Variants in TCP11L2 observed in about 807,000 individuals in gnomAD.
TCP11L2 encodes t-complex 11 like 2.
TCP11L2 carries 39 observed loss-of-function variants against 50.7 expected under a neutral mutation model. That is an observed-to-expected ratio of 0.77 (90% CI 0.60 to 1.01). The LOEUF (loss-of-function observed/expected upper bound fraction) is 1.01. TCP11L2 is among the 50% of genes least tolerant of loss of function. The pLI, the probability that TCP11L2 is intolerant of heterozygous loss-of-function variation, is 0.00. For synonymous variants in TCP11L2, 192 were observed against 219.3 expected, an observed-to-expected ratio of 0.88 and a Z score of 1.10; for missense variants, 612 against 614.7, an observed-to-expected ratio of 1.00 and a Z score of 0.05.
intron 4 of TCP11L2, 106 bp from the exon 5 acceptor site, chr12:106,321,380 G>A: frequency 3.3e-6 from 3 of 920,240 alleles, no homozygotes; most frequent in Non-Finnish European, 3.3e-6. Context: ...TGGCATCTGA[G>A]GCACTAAAAT....
At chr12:106,318,511 G>A (rs766724238) in intron 4 of TCP11L2, 47 bp downstream of exon 4, 2 of 1,606,500 alleles carry the variant, frequency 1.2e-6, no homozygotes, top group South Asian at 2.2e-5. Flanking sequence ...ACTCCAGGTG[G>A]GCTGCTATAA....
chr12:106,313,490 G>C (rs529695206), intron 2 of TCP11L2, among the ~76,000 whole-genome samples: 5 of 152,026 alleles, frequency 3.3e-5, no homozygotes, highest in African/African-American at 1.2e-4. Flanking sequence ...TGAGGCAGGA[G>C]AATCTCTTGA....
intron 6 of TCP11L2, among the ~76,000 whole-genome samples, chr12:106,331,951 G>C (rs1018447501): frequency 6.6e-6 from 1 of 152,210 alleles, no homozygotes; most frequent in Non-Finnish European, 1.5e-5. Context: ...GCAGTCTGTT[G>C]CTGATCAGTC....
At chr12:106,314,535 CTGTGTGTGTGTGTGTGTGTGTG>C (rs55918458) in intron 3 of TCP11L2, 42 bp downstream of exon 3, 1 of 706,006 alleles carries the variant, frequency 1.4e-6, no homozygotes. Context: ...GCTGAAGATT[CTGTGTGTGTGTGTGTGTGTGTG>C]TGTGTGTGTG....
rs895733928 is a variant in TCP11L2, at chr12:106,314,586, A to T, written c.293+93A>T. 897 of 687,464 alleles carry T rather than the reference A, an allele frequency of 1.3e-3. No homozygotes were observed. Among genetic ancestry groups the T allele is most frequent in the African/African-American group, 2.1e-3 (113 of 52,852 alleles). 42.6% of individuals were successfully genotyped at this position (687,464 alleles called of 1,614,324 possible). A position where few individuals can be genotyped will look rare whatever the true frequency, so the allele number is the denominator to read the frequency against. ...GTGTGTGTGTGTGTGTGAGAGAGAG[A>T]GAGAGAGAGAGAGAGACAGAGAGAG... On this transcript the variant is annotated intron_variant, in intron 3 of 9. Coordinates refer to ENST00000299045, the MANE Select transcript of TCP11L2 (RefSeq NM_152772.3).
At chr12:106,318,741 C>T (rs574285297) in intron 4 of TCP11L2, among the ~76,000 whole-genome samples, 2 of 152,250 alleles carry the variant, frequency 1.3e-5, no homozygotes, top group African/African-American at 4.8e-5. Flanking sequence ...GACGGAGTCT[C>T]GCTCTGTTGC....
chr12:106,336,068 A>C lies in TCP11L2; in HGVS notation c.997A>C (p.Thr333Pro). ...MTDGARLQEL[T>P]EKLNQLKIIA... is the part of the protein sequence containing the mutation. ...AGATGGAGCACGTCTTCAGGAACTAACAGAAAAGCTGAATCAATTGAAAAT... is the reference window on the plus strand; with the variant it reads ...AGATGGAGCACGTCTTCAGGAACTACCAGAAAAGCTGAATCAATTGAAAAT... The change falls in exon 8 of 10, where the codon ACA becomes CCA. Residue 333 changes from threonine (T) to proline (P), a missense_variant. By Grantham distance (38) the Thr-to-Pro change is conservative. Coordinates refer to ENST00000299045, the MANE Select transcript of TCP11L2 (RefSeq NM_152772.3). 1 of 1,613,792 alleles carries C rather than the reference A, an allele frequency of 6.2e-7. No homozygotes were observed. Among genetic ancestry groups the C allele is most frequent in the Non-Finnish European group, 8.5e-7 (1 of 1,179,878 alleles).
rs562915487 is a variant in TCP11L2 at position 106,306,235 on chromosome 12, C to T, written c.-36+3294C>T. The stretch of plus-strand genomic sequence containing the variant: ...TCAGCCTGTCATCTTCTCTTTTAAC[C>T]TTCTATTTGGAAATACTTTCAAACT... On this transcript the variant is annotated intron_variant, in intron 1 of 9. Coordinates refer to ENST00000299045, the MANE Select transcript of TCP11L2 (RefSeq NM_152772.3). Among the ~76,000 whole-genome samples the T allele has an allele frequency of 1.8e-3, 275 of 152,276 alleles. 2 individuals carry two copies. Among genetic ancestry groups the T allele is most frequent in the Non-Finnish European group, 3.0e-3 (203 of 68,020 alleles).
rs528894876 is a variant in TCP11L2 at position 106,332,023 on chromosome 12, A to C, written c.773-3616A>C. On this transcript the variant is annotated intron_variant, in intron 6 of 9. Transcript: ENST00000299045. The stretch of plus-strand genomic sequence containing the variant: ...ATCTGTTTCAAGGAATAAATGTAAA[A>C]GACTTGCCTGCCTAATTATACTGGG... Among the ~76,000 whole-genome samples, 6 of 152,186 alleles carry C rather than the reference A, an allele frequency of 3.9e-5. No individual in the cohort carries two copies. The South Asian group carries it at 8.3e-4, about 21-fold the overall frequency.
chr12:106,318,664 T>TG (rs1387324452), intron 4 of TCP11L2, among the ~76,000 whole-genome samples, 200 bp downstream of exon 4: 1 of 152,240 alleles, frequency 6.6e-6, no homozygotes, highest in Non-Finnish European at 1.5e-5. Flanking sequence ...GGTGCCTTCT[T>TG]GCTGTGTCTT....
chr12:106,329,997 T>C (rs1420049921), intron 6 of TCP11L2: 1 of 985,144 alleles, frequency 1.0e-6, no homozygotes, highest in Admixed American at 6.1e-5. Context: ...AGAATTTCAG[T>C]CTCTCTCTAC....
chr12:106,344,148 G>A (rs1030396751), intron 9 of TCP11L2, among the ~76,000 whole-genome samples: 4 of 151,466 alleles, frequency 2.6e-5, no homozygotes, highest in Non-Finnish European at 2.9e-5. Context: ...TGGAGACCCT[G>A]TCTATATATA....
chr12:106,321,129 A>C (rs941989367), intron 4 of TCP11L2, among the ~76,000 whole-genome samples: 28 of 152,344 alleles, frequency 1.8e-4, no homozygotes, highest in African/African-American at 6.0e-4. Context: ...CTATCTTAAA[A>C]TTGGTTTCAT....
At chr12:106,330,023 A>G in intron 6 of TCP11L2, 2 of 985,464 alleles carry the variant, frequency 2.0e-6, no homozygotes, top group South Asian at 9.4e-5. Context: ...ACCTGTGTTC[A>G]GGCTGTATTT....
chr12:106,314,576 TGAGAGAGAGA>T lies in TCP11L2; in HGVS notation c.293+100_293+109del, dbSNP rs71072670. 8.9e-3 allele frequency: 2,496 copies of T among 281,690 alleles called. 21 individuals carry two copies. Among genetic ancestry groups the T allele is most frequent in the South Asian group, 0.042 (586 of 14,072 alleles). The allele number at this position is 281,690 out of a possible 1,614,324, so 17.4% of individuals were successfully genotyped here. A position where few individuals can be genotyped will look rare whatever the true frequency, so the allele number is the denominator to read the frequency against. Reference sequence around the variant, plus strand: ...GTGTGTGTGTGTGTGTGTGTGTGTGTGAGAGAGAGAGAGAGAGAGAGAGAGACAGAGAGAG... The same window carrying T: ...GTGTGTGTGTGTGTGTGTGTGTGTGTGAGAGAGAGAGAGAGACAGAGAGAG... On this transcript the variant is annotated intron_variant, in intron 3 of 9. Transcript: ENST00000299045.
chr12:106,318,607 C>A, intron 4 of TCP11L2, 143 bp downstream of exon 4: 1 of 1,012,036 alleles, frequency 9.9e-7, no homozygotes, highest in Non-Finnish European at 1.4e-6. Context: ...AATCAAAGCA[C>A]CACCAGATTC....
rs201390267 is a variant in TCP11L2 at position 106,323,743 on chromosome 12, TTAATA to T, written c.772+98_772+102del. On this transcript the variant is annotated intron_variant, in intron 6 of 9. Coordinates refer to ENST00000299045, the MANE Select transcript of TCP11L2 (RefSeq NM_152772.3). ...TTAAATTAAATTAAATTAAATTAAA[TTAATA>T]AATAAATAAAATTTAATTTAATTTA... 8.0e-3 allele frequency: 3,039 copies of T among 379,974 alleles called. 71 individuals carry two copies. The highest frequency in any genetic ancestry group is 0.025 in the East Asian group (430 of 17,220). 23.5% of individuals were successfully genotyped at this position (379,974 alleles called of 1,614,324 possible). A position where few individuals can be genotyped will look rare whatever the true frequency, so the allele number is the denominator to read the frequency against.
At chr12:106,342,194 A>G (rs2036111143) in intron 9 of TCP11L2, among the ~76,000 whole-genome samples, 1 of 152,190 alleles carries the variant, frequency 6.6e-6, no homozygotes, top group African/African-American at 2.4e-5. Flanking sequence ...TTAAGAATAC[A>G]AATACATTTT....
rs145086993 is a variant in TCP11L2 at position 106,336,084 on chromosome 12, A to C, written c.1013A>C (p.Gln338Pro). Residue 338 changes from glutamine (Q) to proline (P), a missense_variant, in exon 8 of 10, where the codon CAA (glutamine) becomes CCA (proline). Physicochemically the swap from Gln to Pro is moderately conservative, Grantham distance 76 (BLOSUM62 -1). Transcript: ENST00000299045. ...RLQELTEKLN[Q>P]LKIIACLSLI... ...CAGGAACTAACAGAAAAGCTGAATC[A>C]ATTGAAAATTATTGCCTGCCTGTCC... 3.3e-5 allele frequency: 53 copies of C among 1,614,014 alleles called. No homozygotes were observed. The highest frequency in any genetic ancestry group is 4.2e-5 in the Non-Finnish European group (49 of 1,179,996).
Sources: gnomAD v4.1 joint callset for allele counts (sites outside exome capture counted in the v4.1 genomes callset) on GRCh38, gnomAD v4.1.1 for gene constraint, MANE v1.5 for transcripts, NCBI Gene and HGNC (gene_info 2026-07-23, HGNC 2026-07-21) for gene names.